The following KPNA1 variants were observed in gnomAD, a reference collection of about 807,000 sequenced individuals.
The protein encoded by KPNA1 is importin subunit alpha-5.
Under a neutral mutation model 70.5 loss-of-function variants are expected in KPNA1, and 10 were observed. The observed-to-expected ratio is 0.14, with a 90% CI of 0.09 to 0.24. The LOEUF is 0.24. Ranked by LOEUF, KPNA1 falls within the 10% of genes least tolerant of loss-of-function variation. The pLI is 1.00. For missense variants in KPNA1, 397 were observed against 637.9 expected (o/e 0.62, Z 4.07); for synonymous variants, 192 against 221.9 (o/e 0.87, Z 1.20).
chr3:122,489,553 A>C (rs2076673896), intron 2 of KPNA1, among the ~76,000 whole-genome samples: 1 of 152,180 alleles, frequency 6.6e-6, no homozygotes, highest in Admixed American at 6.5e-5. Context: ...TATAGGTGTG[A>C]ACCACCATGC....
chr3:122,452,739 G>C (rs1256827048), intron 6 of KPNA1, among the ~76,000 whole-genome samples: 2 of 151,148 alleles, frequency 1.3e-5, no homozygotes, highest in Non-Finnish European at 3.0e-5. Flanking sequence ...GAGACGGAGG[G>C]AAGGAGAGAC....
chr3:122,489,798 C>T (rs944493483), intron 2 of KPNA1, among the ~76,000 whole-genome samples: 4 of 152,268 alleles, frequency 2.6e-5, no homozygotes, highest in East Asian at 1.9e-4. Flanking sequence ...TGGATATTTT[C>T]GTATTCCTAT....
intron 1 of KPNA1, among the ~76,000 whole-genome samples, chr3:122,499,141 T>C (rs56131302): frequency 6.6e-6 from 1 of 151,524 alleles, no homozygotes; most frequent in Non-Finnish European, 1.5e-5. Context: ...TCGTCTACAA[T>C]ATAGCTTTAC....
intron 1 of KPNA1, among the ~76,000 whole-genome samples, chr3:122,510,500 A>C (rs1274835980): frequency 6.6e-6 from 1 of 152,216 alleles, no homozygotes; most frequent in Non-Finnish European, 1.5e-5. Context: ...ACAGTACTCT[A>C]CATGGGTCAG....
chr3:122,449,562 A>G lies in KPNA1; in HGVS notation c.917+12T>C. The stretch of plus-strand genomic sequence containing the variant: ...GAGAGAAAGTGGACACACTTTCTAA[A>G]AGATATCTTACATCAGCAGTTCCAC... On this transcript the variant is annotated intron_variant, in intron 9 of 13. Transcript: ENST00000344337. The G allele has an allele frequency of 6.2e-7, 1 of 1,600,904 alleles. No individual in the cohort carries two copies. The highest frequency in any genetic ancestry group is 8.5e-7 in the Non-Finnish European group (1 of 1,173,958).
At chr3:122,478,825 C>T (rs1441130338) in intron 2 of KPNA1, among the ~76,000 whole-genome samples, 2 of 125,392 alleles carry the variant, frequency 1.6e-5, no homozygotes, top group Admixed American at 1.0e-4. Flanking sequence ...ATCCAGGAGG[C>T]GGAGGTTGCA....
intron 1 of KPNA1, among the ~76,000 whole-genome samples, chr3:122,502,873 T>G (rs903427540): frequency 3.9e-5 from 6 of 152,100 alleles, no homozygotes; most frequent in Non-Finnish European, 8.8e-5. Context: ...TTCCCAGCAC[T>G]TTGGGAGGCC....
intron 2 of KPNA1, among the ~76,000 whole-genome samples, chr3:122,473,225 C>G (rs958080366): frequency 6.6e-6 from 1 of 152,086 alleles, no homozygotes; most frequent in Non-Finnish European, 1.5e-5. Context: ...ATTAAAGAAA[C>G]TGAACCAATC....
chr3:122,492,696 G>A (rs749923375), intron 2 of KPNA1, among the ~76,000 whole-genome samples: 5 of 152,112 alleles, frequency 3.3e-5, no homozygotes, highest in African/African-American at 7.2e-5. Flanking sequence ...ATTTTCAAAC[G>A]TTTCATGGGG....
chr3:122,488,252 G>A (rs1177791549), intron 2 of KPNA1, among the ~76,000 whole-genome samples: 1 of 152,132 alleles, frequency 6.6e-6, no homozygotes. Context: ...TGGGCACAGT[G>A]GCTCACTCCT....
rs891288527 is a variant in KPNA1, at chr3:122,444,148, T to C, written c.918-2032A>G. On this transcript the variant is annotated intron_variant, in intron 9 of 13. Coordinates refer to ENST00000344337, the MANE Select transcript of KPNA1 (RefSeq NM_002264.4). The stretch of plus-strand genomic sequence containing the variant: ...AAAGAACTGAGCGCTATTTCTCCTA[T>C]TCGCTTTTGCAAGAAGAGAAATATG... Among the ~76,000 whole-genome samples, 9 of 148,642 alleles carry C rather than the reference T, an allele frequency of 6.1e-5. No homozygotes were observed. The East Asian group carries it at 1.5e-3, about 26-fold the overall frequency.
chr3:122,445,100 C>T (rs1456451517), intron 9 of KPNA1, among the ~76,000 whole-genome samples: 1 of 152,142 alleles, frequency 6.6e-6, no homozygotes, highest in Admixed American at 6.5e-5. Context: ...TAATAACTAA[C>T]TTCTCTGGGC....
At chr3:122,478,692 C>A (rs111284430) in intron 2 of KPNA1, among the ~76,000 whole-genome samples, 1 of 149,202 alleles carries the variant, frequency 6.7e-6, no homozygotes, top group Non-Finnish European at 1.5e-5. Context: ...CGCGCCACTG[C>A]ACTCCAGCCT....
chr3:122,513,282 T>C (rs1576357451), intron 1 of KPNA1, among the ~76,000 whole-genome samples: 1 of 152,218 alleles, frequency 6.6e-6, no homozygotes, highest in Non-Finnish European at 1.5e-5. Context: ...ATGTAAAGCA[T>C]TTAACACAAT....
At chr3:122,430,515 AGTGTGTGTGTGTGT>A (rs10662409) in intron 12 of KPNA1, among the ~76,000 whole-genome samples, 1 of 141,382 alleles carries the variant, frequency 7.1e-6, no homozygotes, top group Non-Finnish European at 1.6e-5. Context: ...CTGTACTACC[AGTGTGTGTGTGTGT>A]GTGTGTGTGT....
At chr3:122,468,685 G>A (rs547023202) in intron 2 of KPNA1, among the ~76,000 whole-genome samples, 1 of 152,202 alleles carries the variant, frequency 6.6e-6, no homozygotes, top group Non-Finnish European at 1.5e-5. Flanking sequence ...CGATTAATAT[G>A]CTAAGGGCTT....
rs148690929 is a variant in KPNA1 at position 122,481,744 on chromosome 3, AT to A, written c.130-14316del. Reference sequence around the variant, plus strand: ...GCTAACAGAAAGCTGGAGTGACTGTATTGTAATGTCAGACAAGTTGGTTCAA... The same window carrying A: ...GCTAACAGAAAGCTGGAGTGACTGTATGTAATGTCAGACAAGTTGGTTCAA... On this transcript the variant is annotated intron_variant, in intron 2 of 13. Coordinates refer to ENST00000344337, the MANE Select transcript of KPNA1 (RefSeq NM_002264.4). 6.7e-3 allele frequency among the ~76,000 whole-genome samples: 1,018 copies of A among 152,368 alleles called. 5 individuals are homozygous for A. The highest frequency in any genetic ancestry group is 0.023 in the African/African-American group (975 of 41,588).
At chr3:122,514,495 C>G (rs1459895514) in intron 1 of KPNA1, 1 of 152,468 alleles carries the variant, frequency 6.6e-6, no homozygotes, top group East Asian at 1.9e-4. Flanking sequence ...CCGCCCCGCC[C>G]CGCCTAGCCT....
rs2075782574 is a variant in KPNA1 at position 122,423,464 on chromosome 3, T to G, written c.*3521A>C. On this transcript the variant is annotated 3_prime_UTR_variant, in exon 14 of 14. Transcript: ENST00000344337. Reference sequence around the variant, plus strand: ...CCTTTTCTTCACTGAACATCATCCTTAGACACCACAATTTCCAATATACTT... The same window carrying G: ...CCTTTTCTTCACTGAACATCATCCTGAGACACCACAATTTCCAATATACTT... The G allele has an allele frequency of 6.6e-6, 1 of 152,340 alleles. No individual in the cohort carries two copies. The highest frequency in any genetic ancestry group is 6.5e-5 in the Admixed American group (1 of 15,284). 9.4% of individuals were successfully genotyped at this position (152,340 alleles called of 1,614,324 possible).
Sources: gnomAD v4.1 joint callset for allele counts (sites outside exome capture counted in the v4.1 genomes callset) on GRCh38, gnomAD v4.1.1 for gene constraint, MANE v1.5 for transcripts, NCBI Gene and HGNC (gene_info 2026-07-23, HGNC 2026-07-21) for gene names.